The following FMR1 variants were observed in gnomAD, a reference collection of about 807,000 sequenced individuals.
The protein encoded by FMR1 is fragile X messenger ribonucleoprotein 1, also known as FMRP translational regulator 1.
Under a neutral mutation model 50.6 loss-of-function variants are expected in FMR1, and 13 were observed. That is an observed-to-expected ratio of 0.26 (90% CI 0.17 to 0.41). FMR1 has a LOEUF of 0.41. FMR1 is among the 10% of genes least tolerant of loss of function. The pLI, the probability that FMR1 is intolerant of heterozygous loss-of-function variation, is 1.00. For synonymous variants in FMR1, 138 were observed against 164.1 expected, an observed-to-expected ratio of 0.84 and a Z score of 1.22; for missense variants, 316 against 491.3, an observed-to-expected ratio of 0.64 and a Z score of 3.37.
chrX:147,938,788 G>A (rs1024627200), intron 12 of FMR1, among the ~76,000 whole-genome samples: 3 of 111,794 alleles, frequency 2.7e-5, no homozygotes, highest in East Asian at 5.6e-4. Context: ...GGACTATAAC[G>A]GCAAGTGGAT....
intron 14 of FMR1, chrX:147,944,519 C>T (rs29291): frequency 4.0e-6 from 3 of 752,126 alleles, no homozygotes; most frequent in East Asian, 1.5e-4. Context: ...GGGTATCACA[C>T]TTAACTGTCG....
At chrX:147,929,467 G>A (rs983296898) in intron 5 of FMR1, among the ~76,000 whole-genome samples, 1 of 109,364 alleles carries the variant, frequency 9.1e-6, no homozygotes, top group Non-Finnish European at 1.9e-5. Flanking sequence ...CCCTCAAATC[G>A]TTTAGCAGTT....
At position 147,945,560 on chromosome X, in the gene FMR1, A is replaced by C. The variant is rs782099660; in HGVS notation, c.1681A>C (p.Asn561His). Residue 561 changes from asparagine to histidine, a missense_variant, in exon 16 of 17, where the codon AAT becomes CAT. This residue lies in a region of FMR1 where 124 missense variants were observed against 160.8 expected (regional missense o/e 0.77). Coordinates refer to ENST00000370475, the MANE Select transcript of FMR1 (RefSeq NM_002024.6). Reference protein sequence around the residue: ...KGNDDHSRTDNRPRNPREAKG... With the variant: ...KGNDDHSRTDHRPRNPREAKG... ...AAACGACGATCACTCCCGAACAGAT[A>C]ATCGTCCACGTAATCCAAGAGAGGC... The C allele has an allele frequency of 8.3e-7, 1 of 1,209,225 alleles. No homozygotes were observed. Among genetic ancestry groups the C allele is most frequent in the South Asian group, 1.8e-5 (1 of 56,893 alleles).
Position 147,929,119 on chromosome X carries a change from T to G in FMR1, c.419+312T>G, listed in dbSNP as rs1393139438. On this transcript the variant is annotated intron_variant, in intron 5 of 16. Transcript: ENST00000370475. Reference sequence around the variant, plus strand: ...GATTTAAAAACTGATCAAACAAATGTGATAATTCTGTCATAAGTCACAAAC... The same window carrying G: ...GATTTAAAAACTGATCAAACAAATGGGATAATTCTGTCATAAGTCACAAAC... 2.7e-5 allele frequency among the ~76,000 whole-genome samples: 3 copies of G among 112,120 alleles called. No homozygotes were observed. The East Asian group carries it at 8.4e-4, about 31-fold the overall frequency.
At chrX:147,936,898 G>A (rs2043807175) in intron 10 of FMR1, among the ~76,000 whole-genome samples, 1 of 111,275 alleles carries the variant, frequency 9.0e-6, no homozygotes, top group South Asian at 3.7e-4. Flanking sequence ...GAGTGTTAAT[G>A]GCAATTTAAT....
intron 1 of FMR1, among the ~76,000 whole-genome samples, chrX:147,915,073 C>G (rs1557174857): frequency 1.8e-5 from 2 of 111,184 alleles, no homozygotes; most frequent in Non-Finnish European, 3.8e-5. Context: ...AAAATACAAC[C>G]TCTGATTTCT....
Position 147,938,086 on chromosome X carries a change from T to C in FMR1, c.1126-13T>C. On this transcript the variant is annotated splice_polypyrimidine_tract_variant and intron_variant, in intron 11 of 16. Coordinates refer to ENST00000370475, the MANE Select transcript of FMR1 (RefSeq NM_002024.6). Reference sequence around the variant, plus strand: ...AGTTAATGACATCCCTTGCATTCCTTATACTGCTTTAGGTGTTAGTGGCTT... The same window carrying C: ...AGTTAATGACATCCCTTGCATTCCTCATACTGCTTTAGGTGTTAGTGGCTT... The C allele has an allele frequency of 8.4e-7, 1 of 1,194,150 alleles. No individual in the cohort carries two copies.
chrX:147,940,061 T>G (rs1791436645), intron 12 of FMR1: 1 of 94,506 alleles, frequency 1.1e-5, no homozygotes, highest in Admixed American at 1.2e-4. Flanking sequence ...CTTGGGAGGC[T>G]GAGGCAGGAG....
chrX:147,941,777 C>A (rs782287372), intron 13 of FMR1, among the ~76,000 whole-genome samples: 2 of 111,988 alleles, frequency 1.8e-5, no homozygotes, highest in African/African-American at 6.5e-5. Flanking sequence ...TGCATTGTAT[C>A]AAATCCCTTG....
At chrX:147,917,710 T>C (rs1389693521) in intron 1 of FMR1, among the ~76,000 whole-genome samples, 2 of 112,096 alleles carry the variant, frequency 1.8e-5, no homozygotes, top group Non-Finnish European at 3.8e-5. Flanking sequence ...TCTCTACTTT[T>C]CTCTCATTTA....
intron 13 of FMR1, among the ~76,000 whole-genome samples, chrX:147,941,916 C>G (rs782340472): frequency 8.9e-6 from 1 of 112,815 alleles, no homozygotes; most frequent in South Asian, 3.6e-4. Flanking sequence ...CCTGGCATCT[C>G]TCACCAAAAG....
intron 2 of FMR1, among the ~76,000 whole-genome samples, chrX:147,924,122 T>A (rs29297): frequency 0.086 from 9,474 of 110,698 alleles, 355 homozygotes; most frequent in African/African-American, 0.12. Flanking sequence ...AACCATTGAG[T>A]TATATATTAT....
Position 147,912,081 on chromosome X carries a change from A to AGGC in FMR1, c.-71_-69dup, listed in dbSNP as rs782036637. ...GCGGCGGCGGCGGCGGCGGCGGCGG[A>AGGC]GGCGGCGGCGGCGGCGGCGGCGGCG... On this transcript the variant is annotated 5_prime_UTR_variant, in exon 1 of 17. Coordinates refer to ENST00000370475, the MANE Select transcript of FMR1 (RefSeq NM_002024.6). 15,683 of 281,505 alleles carry AGGC rather than the reference A, an allele frequency of 0.056. 384 individuals carry two copies. Among genetic ancestry groups the AGGC allele is most frequent in the African/African-American group, 0.069 (1,587 of 23,123 alleles). 23.2% of individuals were successfully genotyped at this position (281,505 alleles called of 1,213,427 possible). A position where few individuals can be genotyped will look rare whatever the true frequency, so the allele number is the denominator to read the frequency against.
chrX:147,940,694 C>A (rs781860089), intron 13 of FMR1, 32 bp downstream of exon 13: 2 of 947,882 alleles, frequency 2.1e-6, no homozygotes, highest in Non-Finnish European at 3.1e-6. Flanking sequence ...ACTTCTAATC[C>A]TTTTGTACTA....
Position 147,932,738 on chromosome X carries a change from A to C in FMR1, c.855A>C (p.Val285=), listed in dbSNP as rs1184303219. ...GCTTTCTCGAATTTGCTGAAGATGT[A>C]ATACAAGTTCCAAGGAACTTAGTAG... is the stretch of plus-strand genomic sequence containing the variant. ...ARSFLEFAED[V]IQVPRNLVGK... The change falls in exon 9 of 17, where the codon GTA becomes GTC. Residue 285 remains valine, a synonymous_variant. Coordinates refer to ENST00000370475, the MANE Select transcript of FMR1 (RefSeq NM_002024.6). 5 of 1,203,670 alleles carry C rather than the reference A, an allele frequency of 4.2e-6. No individual in the cohort carries two copies. Among genetic ancestry groups the C allele is most frequent in the Non-Finnish European group, 5.6e-6 (5 of 889,040 alleles).
chrX:147,948,305 A>G (rs2044245354), intron 16 of FMR1: 2 of 297,973 alleles, frequency 6.7e-6, no homozygotes, highest in South Asian at 1.4e-4. Context: ...TCTTTGGAGA[A>G]TAACTAATTT....
Position 147,928,741 on chromosome X carries a change from A to G in FMR1, c.353A>G (p.Asn118Ser), listed in dbSNP as rs2043479638. The change falls in exon 5 of 17, where the codon AAC (asparagine) becomes AGC (serine). Residue 118 changes from asparagine (N) to serine (S), a missense_variant. Physicochemically the swap from Asn to Ser is conservative, Grantham distance 46. Around this residue, in one of 4 missense-constraint regions of FMR1, gnomAD observed 124 missense variants for 238.1 expected, o/e 0.52. Transcript: ENST00000370475. ...TIERLRSVNPNKPATKDTFHK... is the reference protein window; with the variant it reads ...TIERLRSVNPSKPATKDTFHK... ...GAACGTCTAAGATCTGTTAATCCCA[A>G]CAAACCTGCCACAAAAGATACTTTC... 3.3e-6 allele frequency: 4 copies of G among 1,210,425 alleles called. No homozygotes were observed. Among genetic ancestry groups the G allele is most frequent in the Non-Finnish European group, 2.2e-6 (2 of 894,279 alleles).
chrX:147,937,030 G>C (rs1293703713), intron 10 of FMR1, among the ~76,000 whole-genome samples: 1 of 111,630 alleles, frequency 9.0e-6, no homozygotes, highest in Non-Finnish European at 1.9e-5. Context: ...TGTGGGGATT[G>C]TGTAGTATGT....
At chrX:147,929,118 G>A (rs2043494228) in intron 5 of FMR1, among the ~76,000 whole-genome samples, 1 of 111,868 alleles carries the variant, frequency 8.9e-6, no homozygotes, top group South Asian at 3.7e-4. Context: ...TCAAACAAAT[G>A]TGATAATTCT....
Sources: gnomAD v4.1 joint callset for allele counts (sites outside exome capture counted in the v4.1 genomes callset) on GRCh38, gnomAD v4.1.1 for gene constraint, gnomAD v4.1.1 regional missense constraint, MANE v1.5 for transcripts, NCBI Gene and HGNC (gene_info 2026-07-23, HGNC 2026-07-21) for gene names.